DUS4L: variants seen among roughly 807,000 people sequenced by gnomAD.
DUS4L encodes tRNA-dihydrouridine(20a/20b) synthase [NAD(P)+]-like.
A neutral mutation model predicts 33.8 loss-of-function variants in DUS4L; 31 were observed. The observed-to-expected ratio is 0.92, with a 90% CI of 0.69 to 1.24. The LOEUF (loss-of-function observed/expected upper bound fraction) is 1.24, where lower values mean the gene tolerates loss of function less well. Ranked by LOEUF, DUS4L falls within the 50% of genes most tolerant of loss-of-function variation. The pLI is 0.00. For synonymous variants in DUS4L, 103 were observed against 120.3 expected, an observed-to-expected ratio of 0.86 and a Z score of 0.94; for missense variants, 368 against 388.6, an observed-to-expected ratio of 0.95 and a Z score of 0.45.
At position 107,564,037 on chromosome 7, in the gene DUS4L, A is replaced by C; in HGVS notation, c.-283A>C. The C allele has an allele frequency of 2.0e-6, 3 of 1,507,654 alleles. No individual in the cohort carries two copies. Among genetic ancestry groups the C allele is most frequent in the Non-Finnish European group, 2.7e-6 (3 of 1,124,524 alleles). The allele number at this position is 1,507,654 out of a possible 1,614,324, so 93.4% of individuals were successfully genotyped here. On this transcript the variant is annotated 5_prime_UTR_variant, in exon 1 of 8. An upstream open reading frame in the 5' UTR loses its in-frame stop. Transcript: ENST00000265720. ...CTGACTCTCAGCCCGCGCCTGGGCTAAGCCTGGCTAGGAGCCGCGCAGGTA... is the reference window on the plus strand; with the variant it reads ...CTGACTCTCAGCCCGCGCCTGGGCTCAGCCTGGCTAGGAGCCGCGCAGGTA...
At chr7:107,570,398 T>TG (rs993489552) in intron 3 of DUS4L, 2 of 152,192 alleles carry the variant, frequency 1.3e-5, no homozygotes, top group Admixed American at 6.6e-5. Flanking sequence ...GCCTCATATG[T>TG]GCTGGGCAAT....
chr7:107,564,855 T>A (rs1034987314), intron 2 of DUS4L, among the ~76,000 whole-genome samples, 179 bp downstream of exon 2: 2 of 152,242 alleles, frequency 1.3e-5, no homozygotes, highest in African/African-American at 4.8e-5. Flanking sequence ...ACAGTAGGTA[T>A]GTATCCAGGA....
intron 7 of DUS4L, 121 bp downstream of exon 7, chr7:107,576,713 G>C: frequency 1.1e-6 from 1 of 938,836 alleles, no homozygotes; most frequent in Non-Finnish European, 1.5e-6. Flanking sequence ...CCATTGTACT[G>C]TTTTAAGCTA....
Position 107,564,016 on chromosome 7 carries a change from C to G in DUS4L, c.-304C>G. 1 of 1,500,260 alleles carries G rather than the reference C, an allele frequency of 6.7e-7. No homozygotes were observed. Among genetic ancestry groups the G allele is most frequent in the South Asian group, 1.2e-5 (1 of 82,722 alleles). 92.9% of individuals were successfully genotyped at this position (1,500,260 alleles called of 1,614,324 possible). On this transcript the variant is annotated 5_prime_UTR_variant, in exon 1 of 8. Coordinates refer to ENST00000265720, the MANE Select transcript of DUS4L (RefSeq NM_181581.3). Reference sequence around the variant, plus strand: ...GCTCCAGGCCCACCTGGCGAACTGACTCTCAGCCCGCGCCTGGGCTAAGCC... The same window carrying G: ...GCTCCAGGCCCACCTGGCGAACTGAGTCTCAGCCCGCGCCTGGGCTAAGCC...
Position 107,567,137 on chromosome 7 carries a change from C to G in DUS4L, c.67C>G (p.His23Asp), listed in dbSNP as rs1263581224. ...AAAAAAAGATCCCATAGAAATGTTT[C>G]ATTCTGGACAGCTGGTAAAAGTCTG... ...ERKKDPIEMFHSGQLVKVCAP... is the reference protein window; with the variant it reads ...ERKKDPIEMFDSGQLVKVCAP... Residue 23 changes from histidine to aspartate, a missense_variant, in exon 3 of 8, where the codon CAT becomes GAT. Transcript: ENST00000265720. 6.2e-7 allele frequency: 1 copy of G among 1,613,584 alleles called. No homozygotes were observed. The highest frequency in any genetic ancestry group is 8.5e-7 in the Non-Finnish European group (1 of 1,179,698).
chr7:107,564,082 G>T lies in DUS4L; in HGVS notation c.-238G>T. On this transcript the variant is annotated 5_prime_UTR_variant, in exon 1 of 8. The change creates a new upstream start codon in the 5' untranslated region. Transcript: ENST00000265720. The stretch of plus-strand genomic sequence containing the variant: ...CAGGTACTCGAGCAGTGGGCGCCCA[G>T]GGTCCGAGTGCTCTGCGCCCAGCGC... 2 of 1,351,698 alleles carry T rather than the reference G, an allele frequency of 1.5e-6. No individual in the cohort carries two copies. Among genetic ancestry groups the T allele is most frequent in the Non-Finnish European group, 1.0e-6 (1 of 984,252 alleles). 83.7% of individuals were successfully genotyped at this position (1,351,698 alleles called of 1,614,324 possible). A position where few individuals can be genotyped will look rare whatever the true frequency, so the allele number is the denominator to read the frequency against.
At chr7:107,576,148 CTTGT>C (rs1805721337) in intron 6 of DUS4L, among the ~76,000 whole-genome samples, 2 of 152,114 alleles carry the variant, frequency 1.3e-5, no homozygotes, top group African/African-American at 2.4e-5. Context: ...TAAGATAAAA[CTTGT>C]TTTTTGTCCT....
intron 2 of DUS4L, among the ~76,000 whole-genome samples, 176 bp downstream of exon 2, chr7:107,564,852 G>C (rs562543320): frequency 1.1e-4 from 16 of 152,208 alleles, no homozygotes; most frequent in Admixed American, 8.5e-4. Flanking sequence ...TGTACAGTAG[G>C]TATGTATCCA....
chr7:107,567,197 C>A lies in DUS4L; in HGVS notation c.116+11C>A, dbSNP rs199908673. Reference sequence around the variant, plus strand: ...GGTTCGATATTCAAAGTAAGTGTTGCAAAATGATTAATGAACTAAGATGAA... The same window carrying A: ...GGTTCGATATTCAAAGTAAGTGTTGAAAAATGATTAATGAACTAAGATGAA... On this transcript the variant is annotated intron_variant, in intron 3 of 7. Coordinates refer to ENST00000265720, the MANE Select transcript of DUS4L (RefSeq NM_181581.3). 21 of 1,605,690 alleles carry A rather than the reference C, an allele frequency of 1.3e-5. No homozygotes were observed. The East Asian group carries it at 4.0e-4, about 31-fold the overall frequency.
At chr7:107,569,296 T>C (rs1026549070) in intron 3 of DUS4L, among the ~76,000 whole-genome samples, 98 of 152,354 alleles carry the variant, frequency 6.4e-4, no homozygotes, top group African/African-American at 2.2e-3. Context: ...CCATTGATCT[T>C]GTATCTTTTT....
rs1398578552 is a variant in DUS4L at position 107,567,191 on chromosome 7, G to A, written c.116+5G>A. On this transcript the variant is annotated splice_donor_5th_base_variant and intron_variant, in intron 3 of 7. Coordinates refer to ENST00000265720, the MANE Select transcript of DUS4L (RefSeq NM_181581.3). ...CCCAATGGTTCGATATTCAAAGTAAGTGTTGCAAAATGATTAATGAACTAA... is the reference window on the plus strand; with the variant it reads ...CCCAATGGTTCGATATTCAAAGTAAATGTTGCAAAATGATTAATGAACTAA... The A allele has an allele frequency of 1.2e-6, 2 of 1,610,238 alleles. No individual in the cohort carries two copies. Among genetic ancestry groups the A allele is most frequent in the Non-Finnish European group, 1.7e-6 (2 of 1,177,704 alleles).
intron 4 of DUS4L, 24 bp from the exon 5 acceptor site, chr7:107,573,680 A>C: frequency 6.3e-7 from 1 of 1,599,434 alleles, no homozygotes; most frequent in Non-Finnish European, 8.5e-7. Context: ...GTGAATTTTA[A>C]TGTTGAGCTA....
chr7:107,568,248 G>C (rs1804892758), intron 3 of DUS4L, among the ~76,000 whole-genome samples: 1 of 152,084 alleles, frequency 6.6e-6, no homozygotes, highest in African/African-American at 2.4e-5. Context: ...TTAATTTTTT[G>C]AGCAACTACT....
intron 3 of DUS4L, 100 bp from the exon 4 acceptor site, chr7:107,571,045 C>T: frequency 6.8e-7 from 1 of 1,466,424 alleles, no homozygotes; most frequent in East Asian, 2.3e-5. Context: ...TCTCCTCCAT[C>T]TCCCCATAGG....
intron 3 of DUS4L, chr7:107,570,567 G>A (rs1584991383): frequency 6.5e-6 from 1 of 153,258 alleles, no homozygotes; most frequent in East Asian, 1.9e-4. Context: ...GGCCACCAGA[G>A]ATGAAAGTTT....
In DUS4L at chr7:107,564,025, C is replaced by G; in HGVS notation, c.-295C>G. 2 of 1,541,906 alleles carry G rather than the reference C, an allele frequency of 1.3e-6. No homozygotes were observed. The highest frequency in any genetic ancestry group is 2.0e-5 in the Admixed American group (1 of 51,176). On this transcript the variant is annotated 5_prime_UTR_variant, in exon 1 of 8. Coordinates refer to ENST00000265720, the MANE Select transcript of DUS4L (RefSeq NM_181581.3). ...CCACCTGGCGAACTGACTCTCAGCC[C>G]GCGCCTGGGCTAAGCCTGGCTAGGA...
Position 107,577,714 on chromosome 7 carries a change from CAG to C in DUS4L, c.*158_*159del, listed in dbSNP as rs2129199408. 1.4e-6 allele frequency: 1 copy of C among 723,242 alleles called. No homozygotes were observed. Among genetic ancestry groups the C allele is most frequent in the South Asian group, 2.1e-5 (1 of 48,436 alleles). The allele number at this position is 723,242 out of a possible 1,614,324, so 44.8% of individuals were successfully genotyped here. ...AAAAATCAGTTGTAGACACCACCCT[CAG>C]AGATTCTGATTAGGTAGATCTGGAG... is the stretch of plus-strand genomic sequence containing the variant. On this transcript the variant is annotated 3_prime_UTR_variant, in exon 8 of 8. Transcript: ENST00000265720.
At chr7:107,575,672 G>A (rs1370309596) in intron 6 of DUS4L, 1 of 168,304 alleles carries the variant, frequency 5.9e-6, no homozygotes, top group East Asian at 1.8e-4. Flanking sequence ...CCAGGAATCA[G>A]TTTTTCCGTG....
chr7:107,565,925 T>G (rs1464387111), intron 2 of DUS4L, among the ~76,000 whole-genome samples: 2 of 152,214 alleles, frequency 1.3e-5, no homozygotes, highest in Admixed American at 1.3e-4. Flanking sequence ...CTTGCTAAAA[T>G]CACTAATGAC....
Sources: gnomAD v4.1 joint callset for allele counts (sites outside exome capture counted in the v4.1 genomes callset) on GRCh38, gnomAD v4.1.1 for gene constraint, MANE v1.5 for transcripts, NCBI Gene and HGNC (gene_info 2026-07-23, HGNC 2026-07-21) for gene names.